CDH18: variants seen among roughly 807,000 people sequenced by gnomAD.
CDH18 encodes the protein cadherin-18.
Under a neutral mutation model 67.9 loss-of-function variants are expected in CDH18, and 31 were observed. That is an observed-to-expected ratio of 0.46 (90% CI 0.34 to 0.62). CDH18 has a LOEUF of 0.62. Among genes scored for constraint, CDH18 ranks in the 20% least tolerant of loss-of-function variants. The probability of loss-of-function intolerance (pLI) is 0.01; values close to 1 mark genes in which losing one functional copy is unlikely to be tolerated. For missense variants in CDH18, 890 were observed against 975.5 expected (o/e 0.91, Z 1.17); for synonymous variants, 362 against 347.2 (o/e 1.04, Z -0.48).
chr5:19,900,071 G>T (rs1789774240), intron 2 of CDH18, among the ~76,000 whole-genome samples: 1 of 152,026 alleles, frequency 6.6e-6, no homozygotes. Flanking sequence ...TTGTGGTAAG[G>T]GTAGAATTAT....
intron 1 of CDH18, among the ~76,000 whole-genome samples, chr5:20,263,657 G>A (rs1561922384): frequency 6.6e-6 from 1 of 152,162 alleles, no homozygotes. Context: ...TTCTCACAGT[G>A]TAAGATTGAA....
intron 2 of CDH18, among the ~76,000 whole-genome samples, chr5:20,143,859 A>G (rs1750432017): frequency 6.6e-6 from 1 of 152,166 alleles, no homozygotes; most frequent in South Asian, 2.1e-4. Context: ...ATGCAGCTGG[A>G]CAACTGCTTG....
At chr5:20,324,628 GA>G (rs1262761589) in intron 1 of CDH18, among the ~76,000 whole-genome samples, 1 of 152,028 alleles carries the variant, frequency 6.6e-6, no homozygotes, top group South Asian at 2.1e-4. Flanking sequence ...AGTCTTTACT[GA>G]AAAAAACAAG....
At chr5:20,043,629 G>T (rs1740642845) in intron 2 of CDH18, among the ~76,000 whole-genome samples, 1 of 152,176 alleles carries the variant, frequency 6.6e-6, no homozygotes, top group African/African-American at 2.4e-5. Context: ...TAGTGGCACT[G>T]TGATAATAGG....
At chr5:19,836,676 GATTTC>G (rs140400501) in intron 3 of CDH18, among the ~76,000 whole-genome samples, 2,881 of 152,138 alleles carry the variant, frequency 0.019, 80 homozygotes, top group African/African-American at 0.066. Flanking sequence ...ACTTTAATTA[GATTTC>G]ATTTGTCAAT....
intron 2 of CDH18, among the ~76,000 whole-genome samples, chr5:20,142,204 A>C (rs1750299016): frequency 6.6e-6 from 1 of 152,092 alleles, no homozygotes; most frequent in Non-Finnish European, 1.5e-5. Flanking sequence ...TGTTACAAAA[A>C]TAAATTAATT....
rs76186908 is a variant in CDH18 at position 20,047,056 on chromosome 5, G to A, written c.-517-55042C>T. ...CGAGAGAGTAGATGGAGCAGTTGAT[G>A]GAGCAGTGTTTGGAAACAAGAGAGA... On this transcript the variant is annotated intron_variant, in intron 2 of 14. Coordinates refer to the CDH18 transcript ENST00000507958. 2.7e-3 allele frequency among the ~76,000 whole-genome samples: 403 copies of A among 152,010 alleles called. 1 individual carries two copies. The highest frequency in any genetic ancestry group is 9.2e-3 in the African/African-American group (382 of 41,544).
At chr5:20,446,346 T>C (rs1750002908) in intron 1 of CDH18, among the ~76,000 whole-genome samples, 1 of 152,124 alleles carries the variant, frequency 6.6e-6, no homozygotes, top group Non-Finnish European at 1.5e-5. Context: ...GTCTGCTTTC[T>C]TTTCTCATAG....
chr5:20,157,944 C>A (rs1223392015), intron 2 of CDH18, among the ~76,000 whole-genome samples: 1 of 152,020 alleles, frequency 6.6e-6, no homozygotes, highest in African/African-American at 2.4e-5. Flanking sequence ...TTCTTTTCAT[C>A]CTCCTCTTCC....
chr5:19,475,977 C>A (rs1738396781), intron 12 of CDH18, among the ~76,000 whole-genome samples: 1 of 151,998 alleles, frequency 6.6e-6, no homozygotes, highest in South Asian at 2.1e-4. Context: ...ATGTATAACT[C>A]TAATCTATAT....
At chr5:20,433,047 G>T (rs1229899697) in intron 1 of CDH18, among the ~76,000 whole-genome samples, 1 of 149,758 alleles carries the variant, frequency 6.7e-6, no homozygotes, top group Non-Finnish European at 1.5e-5. Context: ...TTTAGGCATT[G>T]TATAATGCCT....
intron 12 of CDH18, 80 bp from the exon 13 acceptor site, chr5:19,473,796 AT>A: frequency 8.2e-7 from 1 of 1,214,026 alleles, no homozygotes; most frequent in Non-Finnish European, 1.2e-6. Context: ...GCAATTTCCC[AT>A]TTTCCCATTC....
intron 3 of CDH18, among the ~76,000 whole-genome samples, chr5:19,786,433 T>G (rs1775778921): frequency 6.6e-6 from 1 of 152,302 alleles, no homozygotes; most frequent in South Asian, 2.1e-4. Flanking sequence ...ATTTTTAGGC[T>G]AAACTACTGA....
chr5:20,526,961 G>T (rs1410809785), intron 1 of CDH18, among the ~76,000 whole-genome samples: 3 of 151,952 alleles, frequency 2.0e-5, no homozygotes, highest in Non-Finnish European at 4.4e-5. Context: ...TCAGAAAGTG[G>T]CTAAGCTAAA....
intron 2 of CDH18, among the ~76,000 whole-genome samples, chr5:19,917,342 C>T (rs1021373985): frequency 1.3e-5 from 2 of 149,986 alleles, no homozygotes; most frequent in Admixed American, 1.3e-4. Context: ...TCTTTCCCCC[C>T]CCGCCCCCTT....
chr5:20,334,291 G>A (rs931912760), intron 1 of CDH18, among the ~76,000 whole-genome samples: 9 of 150,866 alleles, frequency 6.0e-5, no homozygotes, highest in Admixed American at 4.6e-4. Flanking sequence ...CCGCCACCTC[G>A]CCCGGCTAAT....
chr5:20,037,156 T>A (rs1305963713), intron 2 of CDH18, among the ~76,000 whole-genome samples: 1 of 152,068 alleles, frequency 6.6e-6, no homozygotes, highest in Non-Finnish European at 1.5e-5. Flanking sequence ...ATCCTGTCAT[T>A]ATGATGCTAG....
chr5:20,504,322 G>C (rs973084333), intron 1 of CDH18, among the ~76,000 whole-genome samples: 1 of 152,094 alleles, frequency 6.6e-6, no homozygotes, highest in Admixed American at 6.5e-5. Flanking sequence ...TGAAAAATCT[G>C]CCATATGAAA....
chr5:20,145,262 T>C (rs1426772671), intron 2 of CDH18, among the ~76,000 whole-genome samples: 2 of 152,210 alleles, frequency 1.3e-5, no homozygotes, highest in African/African-American at 4.8e-5. Flanking sequence ...TAATAAAATT[T>C]AACTAGCATA....
Sources: allele counts gnomAD v4.1 joint callset (sites outside exome capture counted in the v4.1 genomes callset), GRCh38; gene constraint gnomAD v4.1.1; transcripts MANE v1.5; gene names NCBI Gene and HGNC (gene_info 2026-07-23, HGNC 2026-07-21).